Variants in EPHA7 observed in about 807,000 individuals in gnomAD.
EPHA7 encodes EPH receptor A7.
EPHA7 carries 25 observed loss-of-function variants against 112.6 expected under a neutral mutation model. The ratio of observed to expected loss-of-function variants is 0.22; its 90% CI spans 0.16 to 0.31. The LOEUF is 0.31. EPHA7 is among the 10% of genes least tolerant of loss of function. The probability of loss-of-function intolerance (pLI) is 1.00; values close to 1 mark genes in which losing one functional copy is unlikely to be tolerated. For synonymous variants in EPHA7, 437 were observed against 406.5 expected (o/e 1.07, Z -0.90); for missense variants, 962 against 1,212.6 (o/e 0.79, Z 3.07).
intron 5 of EPHA7, among the ~76,000 whole-genome samples, chr6:93,283,738 G>T (rs1441465065): frequency 6.6e-6 from 1 of 152,134 alleles, no homozygotes; most frequent in African/African-American, 2.4e-5. Context: ...TTTAAAAACT[G>T]TAACACTCAC....
intron 7 of EPHA7, among the ~76,000 whole-genome samples, chr6:93,266,317 C>G (rs1382356924): frequency 1.3e-5 from 2 of 151,362 alleles, no homozygotes; most frequent in African/African-American, 4.8e-5. Context: ...CCGATGTGTC[C>G]CATGGGCCTA....
rs142832162 is a variant in EPHA7, at chr6:93,409,387, ATTT to A, written c.832+1111_832+1113del. Among the ~76,000 whole-genome samples the A allele has an allele frequency of 5.2e-3, 783 of 151,086 alleles. 4 individuals carry two copies. The highest frequency in any genetic ancestry group is 0.018 in the African/African-American group (744 of 40,586). ...AAGCTATTTACTCTTGATATCCTCT[ATTT>A]TTTTATTGTGTAAAACATAAATGAT... On this transcript the variant is annotated intron_variant, in intron 3 of 16. Coordinates refer to ENST00000369303, the MANE Select transcript of EPHA7 (RefSeq NM_004440.4).
chr6:93,316,945 A>G (rs1217963545), intron 5 of EPHA7, among the ~76,000 whole-genome samples: 1 of 152,174 alleles, frequency 6.6e-6, no homozygotes, highest in Non-Finnish European at 1.5e-5. Context: ...AAACTAAACT[A>G]TAGTCCTAAG....
At chr6:93,335,534 A>T (rs904137604) in intron 5 of EPHA7, among the ~76,000 whole-genome samples, 1 of 152,108 alleles carries the variant, frequency 6.6e-6, no homozygotes, top group African/African-American at 2.4e-5. Flanking sequence ...TTTAAAAAGC[A>T]CCTGTGTTTT....
At chr6:93,289,562 T>G (rs1582456311) in intron 5 of EPHA7, among the ~76,000 whole-genome samples, 1 of 152,094 alleles carries the variant, frequency 6.6e-6, no homozygotes, top group Admixed American at 6.5e-5. Flanking sequence ...AGGTGGGGCT[T>G]GCATTGGGCC....
chr6:93,347,594 G>T (rs1775464666), intron 5 of EPHA7, among the ~76,000 whole-genome samples: 1 of 151,862 alleles, frequency 6.6e-6, no homozygotes, highest in African/African-American at 2.4e-5. Context: ...GTCTGCATTT[G>T]TTGCTATAAG....
intron 4 of EPHA7, among the ~76,000 whole-genome samples, chr6:93,357,381 A>G (rs1288035710): frequency 6.6e-6 from 1 of 152,178 alleles, no homozygotes; most frequent in Non-Finnish European, 1.5e-5. Flanking sequence ...CAGTTAATGC[A>G]CCTAAAAAAA....
chr6:93,271,742 G>A (rs1185645219), intron 6 of EPHA7, among the ~76,000 whole-genome samples: 1 of 151,854 alleles, frequency 6.6e-6, no homozygotes. Flanking sequence ...GTGTAAATAA[G>A]TCCCATACAT....
chr6:93,380,045 G>A (rs1343453728), intron 3 of EPHA7, among the ~76,000 whole-genome samples: 1 of 152,014 alleles, frequency 6.6e-6, no homozygotes, highest in African/African-American at 2.4e-5. Context: ...GATTTAGTAT[G>A]AAGAATCTGG....
chr6:93,327,816 C>CCCT (rs1774396395), intron 5 of EPHA7, among the ~76,000 whole-genome samples: 1 of 151,456 alleles, frequency 6.6e-6, no homozygotes. Context: ...TCCTGAGAAC[C>CCCT]CCTCTTAGCT....
intron 5 of EPHA7, among the ~76,000 whole-genome samples, chr6:93,278,314 A>G (rs1393134075): frequency 6.6e-6 from 1 of 152,024 alleles, no homozygotes; most frequent in Non-Finnish European, 1.5e-5. Flanking sequence ...TTAATGTGTA[A>G]CACCTCATAA....
At chr6:93,343,459 A>G (rs1420287503) in intron 5 of EPHA7, among the ~76,000 whole-genome samples, 1 of 151,722 alleles carries the variant, frequency 6.6e-6, no homozygotes, top group Non-Finnish European at 1.5e-5. Flanking sequence ...GAAGTGCTAT[A>G]AATTTAAGTG....
At chr6:93,268,458 T>C (rs895884711) in intron 7 of EPHA7, among the ~76,000 whole-genome samples, 4 of 151,816 alleles carry the variant, frequency 2.6e-5, no homozygotes, top group Non-Finnish European at 5.9e-5. Context: ...AAAATATTAA[T>C]TTAATTTGTT....
At chr6:93,385,095 T>C (rs912933041) in intron 3 of EPHA7, among the ~76,000 whole-genome samples, 8 of 152,168 alleles carry the variant, frequency 5.3e-5, no homozygotes, top group African/African-American at 1.9e-4. Context: ...AATACACTAT[T>C]ATATACCAAT....
chr6:93,347,611 C>A (rs1056354155), intron 5 of EPHA7, among the ~76,000 whole-genome samples: 2 of 151,822 alleles, frequency 1.3e-5, no homozygotes, highest in African/African-American at 2.4e-5. Flanking sequence ...TAAGAAAATA[C>A]CACAGACTGA....
At position 93,240,402 on chromosome 6, in the gene EPHA7, G is replaced by A. The variant is rs1048177; in HGVS notation, c.*3024C>T. ...ACCATTTTAATTGTCTTAAAAACAC[G>A]GATAAGAAGAGCAATTAAAATATAG... is the stretch of plus-strand genomic sequence containing the variant. On this transcript the variant is annotated 3_prime_UTR_variant, in exon 17 of 17. Transcript: ENST00000369303. 0.46 allele frequency: 101,424 copies of A among 220,298 alleles called. 25,897 individuals are homozygous for A. Among genetic ancestry groups the A allele is most frequent in the East Asian group, 0.7 (10,521 of 14,994 alleles). 13.6% of individuals were successfully genotyped at this position (220,298 alleles called of 1,614,324 possible).
chr6:93,406,422 C>A (rs351322), intron 3 of EPHA7, among the ~76,000 whole-genome samples: 8,803 of 151,566 alleles, frequency 0.058, 329 homozygotes, highest in Middle Eastern at 0.13. Context: ...CATATGGTCA[C>A]CCTACATAGA....
chr6:93,311,743 C>T (rs1773553110), intron 5 of EPHA7, among the ~76,000 whole-genome samples: 1 of 152,106 alleles, frequency 6.6e-6, no homozygotes, highest in African/African-American at 2.4e-5. Context: ...TTTACCTTGC[C>T]CAGATCTATC....
At chr6:93,408,756 A>G (rs1207010818) in intron 3 of EPHA7, among the ~76,000 whole-genome samples, 1 of 152,140 alleles carries the variant, frequency 6.6e-6, no homozygotes, top group African/African-American at 2.4e-5. Context: ...ATAGGACAGA[A>G]AAAGGTATTT....
Sources: allele counts gnomAD v4.1 joint callset (sites outside exome capture counted in the v4.1 genomes callset), GRCh38; gene constraint gnomAD v4.1.1; transcripts MANE v1.5; gene names NCBI Gene and HGNC (gene_info 2026-07-23, HGNC 2026-07-21).